Variants in DOK6 observed in about 807,000 individuals in gnomAD.
The protein encoded by DOK6 is downstream of tyrosine kinase 6.
In DOK6, 22 loss-of-function variants were observed where a neutral mutation model predicts 44.0. The observed-to-expected ratio is 0.50, with a 90% CI of 0.36 to 0.71. The LOEUF is 0.71. Ranked by LOEUF, DOK6 falls within the 30% of genes least tolerant of loss-of-function variation. DOK6 has a pLI of 0.00. For missense variants in DOK6, 340 were observed against 416.4 expected (o/e 0.82, Z 1.60); for synonymous variants, 166 against 145.5 (o/e 1.14, Z -1.01).
chr18:69,613,105 A>C (rs1387110957), intron 3 of DOK6, among the ~76,000 whole-genome samples: 3 of 152,188 alleles, frequency 2.0e-5, no homozygotes, highest in Non-Finnish European at 1.5e-5. Context: ...TCCTGGGCTC[A>C]AGCCATCCAC....
intron 1 of DOK6, among the ~76,000 whole-genome samples, chr18:69,554,067 C>G (rs1390843452): frequency 1.3e-5 from 2 of 152,004 alleles, no homozygotes; most frequent in African/African-American, 4.8e-5. Context: ...AAAAATGGGT[C>G]GCATAACATC....
rs577960260 is a variant in DOK6 at position 69,772,665 on chromosome 18, A to C, written c.856+14792A>C. On this transcript the variant is annotated intron_variant, in intron 7 of 7. Coordinates refer to ENST00000382713, the MANE Select transcript of DOK6 (RefSeq NM_152721.6). ...GGATATCCACATGCAAAAGAATGAA[A>C]TTGGACCCCTATCTTACACCATGCA... is the stretch of plus-strand genomic sequence containing the variant. Among the ~76,000 whole-genome samples the C allele has an allele frequency of 9.2e-5, 14 of 152,092 alleles. No homozygotes were observed. In the South Asian group the frequency reaches 2.9e-3, roughly 31 times the overall value.
chr18:69,760,007 C>T (rs1016014407), intron 7 of DOK6, among the ~76,000 whole-genome samples: 2 of 152,102 alleles, frequency 1.3e-5, no homozygotes, highest in African/African-American at 4.8e-5. Flanking sequence ...CTGTATACCC[C>T]TCAGTGTTAT....
chr18:69,411,575 A>G (rs752539845), intron 1 of DOK6, among the ~76,000 whole-genome samples: 13 of 152,128 alleles, frequency 8.5e-5, no homozygotes, highest in Non-Finnish European at 1.6e-4. Flanking sequence ...TATTTTTGCC[A>G]TTTGAAAATG....
rs55654660 is a variant in DOK6 at position 69,603,770 on chromosome 18, CAAAAAAAAAA to C, written c.289+4289_289+4298del. On this transcript the variant is annotated intron_variant, in intron 3 of 7. Coordinates refer to ENST00000382713, the MANE Select transcript of DOK6 (RefSeq NM_152721.6). The stretch of plus-strand genomic sequence containing the variant: ...TGGGCGACAGAGCGAGACTCCGTCT[CAAAAAAAAAA>C]AAAAAAAAAAAAAAAAGGACATCTG... 1.2e-4 allele frequency among the ~76,000 whole-genome samples: 9 copies of C among 74,344 alleles called. No individual in the cohort carries two copies. The East Asian group carries it at 1.5e-3, about 13-fold the overall frequency. 48.8% of individuals were successfully genotyped at this position (74,344 alleles called of 152,430 possible).
chr18:69,527,953 G>T (rs1215928120), intron 1 of DOK6, among the ~76,000 whole-genome samples: 3 of 152,060 alleles, frequency 2.0e-5, no homozygotes, highest in Non-Finnish European at 4.4e-5. Context: ...CACGAGGTCA[G>T]GAGATCGATA....
chr18:69,440,488 T>A (rs1326462220), intron 1 of DOK6, among the ~76,000 whole-genome samples: 1 of 152,132 alleles, frequency 6.6e-6, no homozygotes, highest in East Asian at 1.9e-4. Flanking sequence ...TCTGTAGTTG[T>A]TTTCAAGAAG....
At chr18:69,746,565 T>C (rs1390751018) in intron 6 of DOK6, among the ~76,000 whole-genome samples, 4 of 152,200 alleles carry the variant, frequency 2.6e-5, no homozygotes, top group Admixed American at 1.3e-4. Flanking sequence ...CAATACATGA[T>C]TTGAAATATA....
rs1411611949 is a variant in DOK6 at position 69,440,212 on chromosome 18, A to G, written c.66+38902A>G. ...ATTAAGTTTAGCATCTTATATGGGC[A>G]TGGTTTATGGTGCCAAAAACAATTA... On this transcript the variant is annotated intron_variant, in intron 1 of 7. Transcript: ENST00000382713. Among the ~76,000 whole-genome samples, 2 of 152,206 alleles carry G rather than the reference A, an allele frequency of 1.3e-5. 1 individual carries two copies. The highest frequency in any genetic ancestry group is 2.9e-5 in the Non-Finnish European group (2 of 68,032).
In DOK6 at chr18:69,671,382, T is replaced by G. The variant is rs556403575; in HGVS notation, c.290-6352T>G. ...AAGTCATGATTATCTGCATCAAAGATGCATTTAGGTGGTAACACATTTCCT... is the reference window on the plus strand; with the variant it reads ...AAGTCATGATTATCTGCATCAAAGAGGCATTTAGGTGGTAACACATTTCCT... On this transcript the variant is annotated intron_variant, in intron 3 of 7. Coordinates refer to ENST00000382713, the MANE Select transcript of DOK6 (RefSeq NM_152721.6). Among the ~76,000 whole-genome samples, 35 of 152,340 alleles carry G rather than the reference T, an allele frequency of 2.3e-4. No individual in the cohort carries two copies. The South Asian group carries it at 6.6e-3, about 29-fold the overall frequency.
chr18:69,730,250 A>G (rs936749799), intron 5 of DOK6, among the ~76,000 whole-genome samples: 10 of 152,216 alleles, frequency 6.6e-5, no homozygotes, highest in African/African-American at 1.2e-4. Flanking sequence ...GCCAGCCTCT[A>G]TAGGTTTTAT....
intron 1 of DOK6, among the ~76,000 whole-genome samples, chr18:69,503,422 T>C (rs1365927474): frequency 1.3e-5 from 2 of 151,994 alleles, no homozygotes; most frequent in Non-Finnish European, 2.9e-5. Flanking sequence ...CTGAAAGAGA[T>C]TGAGGAGGAA....
At chr18:69,554,321 C>T (rs532445136) in intron 1 of DOK6, among the ~76,000 whole-genome samples, 6 of 152,280 alleles carry the variant, frequency 3.9e-5, no homozygotes, top group Admixed American at 1.3e-4. Context: ...GTGCTGATTA[C>T]GATGGAAGCC....
At chr18:69,758,608 C>CT (rs1168889650) in intron 7 of DOK6, among the ~76,000 whole-genome samples, 1 of 152,130 alleles carries the variant, frequency 6.6e-6, no homozygotes, top group African/African-American at 2.4e-5. Context: ...AAGCAACTGA[C>CT]TAACAGCTAG....
chr18:69,494,402 GGA>G (rs1980821916), intron 1 of DOK6, among the ~76,000 whole-genome samples: 1 of 152,122 alleles, frequency 6.6e-6, no homozygotes, highest in South Asian at 2.1e-4. Flanking sequence ...CTTGAACCCA[GGA>G]GACAGAGGTT....
At chr18:69,726,842 T>C (rs1599289212) in intron 5 of DOK6, among the ~76,000 whole-genome samples, 1 of 139,118 alleles carries the variant, frequency 7.2e-6, no homozygotes, top group Non-Finnish European at 1.6e-5. Flanking sequence ...TTTTGTTTTG[T>C]GATCCTTTTT....
In DOK6 at chr18:69,401,232, G is replaced by C. The variant is rs1005941675; in HGVS notation, c.-13G>C. 1.9e-6 allele frequency: 3 copies of C among 1,556,172 alleles called. No homozygotes were observed. The highest frequency in any genetic ancestry group is 2.6e-6 in the Non-Finnish European group (3 of 1,152,876). On this transcript the variant is annotated 5_prime_UTR_variant, in exon 1 of 8. Transcript: ENST00000382713. ...AGCGGATCGCGGGGCGCAGGAGCCCGATCGCGCTGGCCATGGCCTCCAACT... is the reference window on the plus strand; with the variant it reads ...AGCGGATCGCGGGGCGCAGGAGCCCCATCGCGCTGGCCATGGCCTCCAACT...
chr18:69,724,867 C>T (rs1978298229), intron 5 of DOK6: 1 of 152,232 alleles, frequency 6.6e-6, no homozygotes, highest in Non-Finnish European at 1.5e-5. Flanking sequence ...TTGCTCTTGT[C>T]TGCTACTGAC....
intron 7 of DOK6, among the ~76,000 whole-genome samples, chr18:69,824,891 C>T (rs1436328832): frequency 6.6e-6 from 1 of 152,190 alleles, no homozygotes; most frequent in East Asian, 1.9e-4. Context: ...TAGTCTTAGT[C>T]TTGAAAAATT....
Sources: gnomAD v4.1 joint callset for allele counts (sites outside exome capture counted in the v4.1 genomes callset) on GRCh38, gnomAD v4.1.1 for gene constraint, MANE v1.5 for transcripts, NCBI Gene and HGNC (gene_info 2026-07-23, HGNC 2026-07-21) for gene names.